The following BTBD9 variants were observed in gnomAD, a reference collection of about 807,000 sequenced individuals.
BTBD9 encodes BTB domain containing 9.
A neutral mutation model predicts 64.3 loss-of-function variants in BTBD9; 49 were observed. The ratio of observed to expected loss-of-function variants is 0.76; its 90% CI spans 0.61 to 0.97. The LOEUF is 0.97. BTBD9 is among the 50% of genes least tolerant of loss of function. BTBD9 has a pLI of 0.00. For synonymous variants in BTBD9, 260 were observed against 274.7 expected, an observed-to-expected ratio of 0.95 and a Z score of 0.53; for missense variants, 598 against 762.1, an observed-to-expected ratio of 0.78 and a Z score of 2.53.
chr6:38,297,466 A>G (rs1445677786), intron 7 of BTBD9, among the ~76,000 whole-genome samples: 2 of 152,180 alleles, frequency 1.3e-5, no homozygotes, highest in Admixed American at 6.5e-5. Flanking sequence ...CCACATCATC[A>G]TGTACATCAT....
chr6:38,377,792 A>AT (rs570396818), intron 6 of BTBD9, among the ~76,000 whole-genome samples: 1 of 151,994 alleles, frequency 6.6e-6, no homozygotes, highest in Admixed American at 6.6e-5. Context: ...TCCACATAGT[A>AT]TTTTTTTTCT....
At chr6:38,461,569 G>A (rs912451385) in intron 6 of BTBD9, among the ~76,000 whole-genome samples, 11 of 152,106 alleles carry the variant, frequency 7.2e-5, no homozygotes, top group Non-Finnish European at 1.6e-4. Flanking sequence ...ATCTGTTGAT[G>A]AACATTTTGG....
At chr6:38,549,505 G>C (rs918829774) in intron 6 of BTBD9, among the ~76,000 whole-genome samples, 1 of 151,978 alleles carries the variant, frequency 6.6e-6, no homozygotes, top group Non-Finnish European at 1.5e-5. Flanking sequence ...CAAGAAGAAA[G>C]TAAGATTTCA....
chr6:38,224,828 ATG>A (rs1226566643), intron 9 of BTBD9, among the ~76,000 whole-genome samples: 10 of 152,238 alleles, frequency 6.6e-5, no homozygotes, highest in African/African-American at 2.4e-4. Context: ...GTTTCAGAAT[ATG>A]TGTGTTAGGT....
chr6:38,291,074 A>G (rs986573957), intron 7 of BTBD9, among the ~76,000 whole-genome samples: 2 of 152,204 alleles, frequency 1.3e-5, no homozygotes, highest in Admixed American at 1.3e-4. Context: ...TTAAAGGAAT[A>G]CTTGAGATTT....
chr6:38,592,502 G>A, intron 4 of BTBD9, 74 bp downstream of exon 4: 1 of 1,525,224 alleles, frequency 6.6e-7, no homozygotes, highest in East Asian at 2.3e-5. Context: ...CGGTTCTGTA[G>A]TAGCTTTGCG....
rs141433426 is a variant in BTBD9 at position 38,255,393 on chromosome 6, A to C, written c.1562+1016T>G. The stretch of plus-strand genomic sequence containing the variant: ...ACTATACTAAAAACCACTCAATTGT[A>C]CACTGTAAAAGTGTAAATTTTATGG... On this transcript the variant is annotated intron_variant, in intron 9 of 10. Transcript: ENST00000481247. Among the ~76,000 whole-genome samples the C allele has an allele frequency of 4.2e-3, 638 of 152,338 alleles. 1 individual carries two copies. Among genetic ancestry groups the C allele is most frequent in the Non-Finnish European group, 5.7e-3 (388 of 68,036 alleles).
In BTBD9 at chr6:38,237,984, A is replaced by T. The variant is rs1340945037; in HGVS notation, c.1562+18425T>A. ...GAGTCCCTGTCTCTATTTAAAAAAA[A>T]TAGAAAAATTAGTTGGGCATGGTGG... On this transcript the variant is annotated intron_variant, in intron 9 of 10. Coordinates refer to ENST00000481247, the MANE Select transcript of BTBD9 (RefSeq NM_001099272.2). Among the ~76,000 whole-genome samples the T allele has an allele frequency of 2.6e-5, 4 of 152,222 alleles. No individual in the cohort carries two copies. The East Asian group carries it at 7.7e-4, about 29-fold the overall frequency.
intron 1 of BTBD9, among the ~76,000 whole-genome samples, chr6:38,632,838 G>A (rs1425846046): frequency 6.6e-6 from 1 of 152,070 alleles, no homozygotes; most frequent in Non-Finnish European, 1.5e-5. Flanking sequence ...AGCCTGAGAA[G>A]GGAGAATTGC....
chr6:38,230,372 A>G lies in BTBD9; in HGVS notation c.1562+26037T>C, dbSNP rs577722105. On this transcript the variant is annotated intron_variant, in intron 9 of 10. Transcript: ENST00000481247. ...TAGCTGGGCATGGTGGCAGGTTCCT[A>G]TAGTCCCAGCTACTCAGGATGCGGA... 1.8e-4 allele frequency among the ~76,000 whole-genome samples: 27 copies of G among 152,000 alleles called. 1 individual carries two copies. The East Asian group carries it at 5.2e-3, about 29-fold the overall frequency.
At chr6:38,429,720 C>T (rs945546754) in intron 6 of BTBD9, among the ~76,000 whole-genome samples, 50 of 151,944 alleles carry the variant, frequency 3.3e-4, no homozygotes, top group Admixed American at 2.4e-3. Context: ...ACTAGTGTTA[C>T]GCATTTTTTC....
At chr6:38,205,015 G>A (rs569578064) in intron 9 of BTBD9, among the ~76,000 whole-genome samples, 13 of 152,122 alleles carry the variant, frequency 8.5e-5, no homozygotes, top group Admixed American at 3.3e-4. Context: ...GTTAAGTTGA[G>A]GAAATTTCCC....
intron 6 of BTBD9, among the ~76,000 whole-genome samples, chr6:38,437,180 A>G (rs1213566928): frequency 6.6e-6 from 1 of 152,208 alleles, no homozygotes; most frequent in East Asian, 1.9e-4. Flanking sequence ...TAAGACTGAA[A>G]GGTCAACGTG....
intron 9 of BTBD9, among the ~76,000 whole-genome samples, chr6:38,201,738 T>C (rs1350673280): frequency 2.6e-5 from 4 of 152,200 alleles, no homozygotes; most frequent in East Asian, 3.8e-4. Flanking sequence ...GCAGATTCAG[T>C]AAAGCTGCAG....
In BTBD9 at chr6:38,174,843, G is replaced by T; in HGVS notation, c.*142C>A. On this transcript the variant is annotated 3_prime_UTR_variant, in exon 11 of 11. Coordinates refer to ENST00000481247, the MANE Select transcript of BTBD9 (RefSeq NM_001099272.2). ...TCTGTCCTTGGGAGAAAACCTGTTC[G>T]GTGTCTGCTTTTGCAGCTAGGTCGG... The T allele has an allele frequency of 1.1e-6, 1 of 931,548 alleles. No individual in the cohort carries two copies. Among genetic ancestry groups the T allele is most frequent in the Non-Finnish European group, 1.6e-6 (1 of 615,398 alleles). 57.7% of individuals were successfully genotyped at this position (931,548 alleles called of 1,614,324 possible).
intron 6 of BTBD9, among the ~76,000 whole-genome samples, chr6:38,399,875 C>A (rs1328279652): frequency 2.6e-5 from 4 of 151,998 alleles, no homozygotes; most frequent in Non-Finnish European, 5.9e-5. Flanking sequence ...CCTCAGCCTG[C>A]AGAGTAGCTG....
At chr6:38,446,945 C>T (rs1002583864) in intron 6 of BTBD9, among the ~76,000 whole-genome samples, 3 of 152,168 alleles carry the variant, frequency 2.0e-5, no homozygotes, top group African/African-American at 7.2e-5. Context: ...AATTCCTGTA[C>T]ACATGGCTAA....
chr6:38,364,498 G>T (rs533562040), intron 6 of BTBD9, among the ~76,000 whole-genome samples: 1 of 152,276 alleles, frequency 6.6e-6, no homozygotes, highest in East Asian at 1.9e-4. Flanking sequence ...TTATGATTAA[G>T]TGGAAATTGG....
At chr6:38,580,160 C>A in intron 5 of BTBD9, 58 bp downstream of exon 5, 3 of 1,502,662 alleles carry the variant, frequency 2.0e-6, no homozygotes, top group Admixed American at 1.8e-5. Flanking sequence ...AGTAGATGAC[C>A]ACAAAGCTAA....
Sources: gnomAD v4.1 joint callset for allele counts (sites outside exome capture counted in the v4.1 genomes callset) on GRCh38, gnomAD v4.1.1 for gene constraint, MANE v1.5 for transcripts, NCBI Gene and HGNC (gene_info 2026-07-23, HGNC 2026-07-21) for gene names.